Variants in ZKSCAN5 observed in about 807,000 individuals in gnomAD.
ZKSCAN5 encodes the protein zinc finger with KRAB and SCAN domains 5, also known as zinc finger protein with KRAB and SCAN domains 5.
In ZKSCAN5, 28 loss-of-function variants were observed where a neutral mutation model predicts 60.0. The observed-to-expected ratio is 0.47, with a 90% CI of 0.35 to 0.64. ZKSCAN5 has a LOEUF of 0.64. ZKSCAN5 is among the 30% of genes least tolerant of loss of function. The pLI, the probability that ZKSCAN5 is intolerant of heterozygous loss-of-function variation, is 0.01. For missense variants in ZKSCAN5, 881 were observed against 1,034.6 expected (o/e 0.85, Z 2.04); for synonymous variants, 361 against 371.2 (o/e 0.97, Z 0.31).
At chr7:99,528,126 T>C (rs565781332) in intron 6 of ZKSCAN5, among the ~76,000 whole-genome samples, 11 of 151,534 alleles carry the variant, frequency 7.3e-5, no homozygotes, top group East Asian at 3.9e-4. Flanking sequence ...TTTCTTTTTT[T>C]TTTTTTTTTT....
At chr7:99,521,501 A>G (rs1179486502) in intron 5 of ZKSCAN5, among the ~76,000 whole-genome samples, 1 of 152,126 alleles carries the variant, frequency 6.6e-6, no homozygotes, top group Non-Finnish European at 1.5e-5. Context: ...CCCGCCCACA[A>G]TGCAAAATTT....
intron 5 of ZKSCAN5, among the ~76,000 whole-genome samples, chr7:99,522,764 G>A (rs558397743): frequency 1.4e-3 from 211 of 151,996 alleles, no homozygotes; most frequent in African/African-American, 4.9e-3. Context: ...TGGGATTACA[G>A]GCGTGAGCCA....
At chr7:99,505,849 T>C in intron 1 of ZKSCAN5, 156 bp from the exon 2 acceptor site, 1 of 564,454 alleles carries the variant, frequency 1.8e-6, no homozygotes, top group South Asian at 2.3e-5. Flanking sequence ...AGTACCTATT[T>C]TTAAGTAAAT....
rs148263070 is a variant in ZKSCAN5 at position 99,532,331 on chromosome 7, T to C, written c.*82T>C. The C allele has an allele frequency of 1.3e-4, 176 of 1,360,084 alleles. 1 individual carries two copies. The East Asian group carries it at 3.7e-3, about 29-fold the overall frequency. 84.3% of individuals were successfully genotyped at this position (1,360,084 alleles called of 1,614,324 possible). ...GCAAAGTAACAACTTCAAGCATTTTTCCAGCGTTACCATCAAACTCACAAA... is the reference window on the plus strand; with the variant it reads ...GCAAAGTAACAACTTCAAGCATTTTCCCAGCGTTACCATCAAACTCACAAA... On this transcript the variant is annotated 3_prime_UTR_variant, in exon 7 of 7. Coordinates refer to ENST00000326775, the MANE Select transcript of ZKSCAN5 (RefSeq NM_145102.4).
Position 99,516,839 on chromosome 7 carries a change from C to T in ZKSCAN5, c.554-2988C>T, listed in dbSNP as rs76827745. Among the ~76,000 whole-genome samples, 49 of 152,260 alleles carry T rather than the reference C, an allele frequency of 3.2e-4. 1 individual carries two copies. The East Asian group carries it at 9.1e-3, about 28-fold the overall frequency. On this transcript the variant is annotated intron_variant, in intron 3 of 6. Coordinates refer to ENST00000326775, the MANE Select transcript of ZKSCAN5 (RefSeq NM_145102.4). The stretch of plus-strand genomic sequence containing the variant: ...TCTCCTGCTCCACTCTGTAAGTGCT[C>T]CTGCCTCTATGGTCCCACGGGAACT...
At chr7:99,527,478 T>A (rs1801842916) in intron 6 of ZKSCAN5, among the ~76,000 whole-genome samples, 1 of 152,336 alleles carries the variant, frequency 6.6e-6, no homozygotes, top group Non-Finnish European at 1.5e-5. Context: ...CCTTTTTTTT[T>A]TATAAGTCTG....
At chr7:99,506,479 A>G in intron 2 of ZKSCAN5, 21 bp downstream of exon 2, 2 of 1,589,516 alleles carry the variant, frequency 1.3e-6, no homozygotes, top group Non-Finnish European at 1.7e-6. Context: ...GAGAAGCTAT[A>G]TGAGCAATGA....
At chr7:99,519,059 T>C (rs544542113) in intron 3 of ZKSCAN5, among the ~76,000 whole-genome samples, 2 of 149,938 alleles carry the variant, frequency 1.3e-5, no homozygotes, top group East Asian at 3.9e-4. Context: ...CACTGTAACC[T>C]CCACCTCCCA....
intron 6 of ZKSCAN5, among the ~76,000 whole-genome samples, chr7:99,526,949 C>T (rs1487683500): frequency 1.3e-5 from 2 of 152,166 alleles, no homozygotes; most frequent in Non-Finnish European, 2.9e-5. Flanking sequence ...TATCTGTTGA[C>T]TTTCTATGGT....
chr7:99,521,532 A>C (rs1289377942), intron 5 of ZKSCAN5, among the ~76,000 whole-genome samples: 1 of 152,126 alleles, frequency 6.6e-6, no homozygotes, highest in Non-Finnish European at 1.5e-5. Context: ...ACATTATGTC[A>C]GTTTACATTG....
At chr7:99,527,762 G>C (rs549159724) in intron 6 of ZKSCAN5, among the ~76,000 whole-genome samples, 1 of 152,060 alleles carries the variant, frequency 6.6e-6, no homozygotes, top group African/African-American at 2.4e-5. Flanking sequence ...TCAGCTCACT[G>C]CAACCTCTGC....
chr7:99,513,622 G>C (rs1801139424), intron 3 of ZKSCAN5: 1 of 156,880 alleles, frequency 6.4e-6, no homozygotes, highest in Admixed American at 6.5e-5. Flanking sequence ...TTGAACTCCT[G>C]GCCTCAAGTG....
chr7:99,519,216 C>T (rs944262199), intron 3 of ZKSCAN5, among the ~76,000 whole-genome samples: 21 of 148,362 alleles, frequency 1.4e-4, no homozygotes, highest in Non-Finnish European at 3.0e-4. Flanking sequence ...CCTTGTGATC[C>T]TCCTGCCTCG....
rs114790757 is a variant in ZKSCAN5, at chr7:99,515,426, G to T, written c.553+2835G>T. On this transcript the variant is annotated intron_variant, in intron 3 of 6. Transcript: ENST00000326775. Reference sequence around the variant, plus strand: ...TGTCTCAAAAAAAAAAACAAAAACTGCTCAGAAAAGAAATGGAAACCACTA... The same window carrying T: ...TGTCTCAAAAAAAAAAACAAAAACTTCTCAGAAAAGAAATGGAAACCACTA... Among the ~76,000 whole-genome samples the T allele has an allele frequency of 2.4e-3, 362 of 151,512 alleles. 1 individual carries two copies. The highest frequency in any genetic ancestry group is 8.6e-3 in the African/African-American group (355 of 41,332).
At position 99,507,499 on chromosome 7, in the gene ZKSCAN5, G is replaced by GTGTATATATGTATATATA. The variant is rs1562901501; in HGVS notation, c.414+1050_414+1051insGTATATATATGTATATAT. ...TATATATGTGTATATATGTATATAT[G>GTGTATATATGTATATATA]TGTATATATATGTGTGTATATATGT... On this transcript the variant is annotated intron_variant, in intron 2 of 6. Transcript: ENST00000326775. Among the ~76,000 whole-genome samples, 24 of 130,892 alleles carry GTGTATATATGTATATATA rather than the reference G, an allele frequency of 1.8e-4. No homozygotes were observed. The East Asian group carries it at 5.3e-3, about 29-fold the overall frequency. The allele number at this position is 130,892 out of a possible 152,430, so 85.9% of individuals were successfully genotyped here.
Position 99,530,495 on chromosome 7 carries a change from T to G in ZKSCAN5, c.1379-613T>G, listed in dbSNP as rs189566583. Among the ~76,000 whole-genome samples the G allele has an allele frequency of 1.1e-4, 17 of 152,292 alleles. No homozygotes were observed. The East Asian group carries it at 3.3e-3, about 29-fold the overall frequency. ...GAGAACTGTCTCCATGTCATTTGCC[T>G]ACTTTTTGATGGGATTTTTTTTTTC... On this transcript the variant is annotated intron_variant, in intron 6 of 6. Transcript: ENST00000326775.
Position 99,505,643 on chromosome 7 carries a change from T to C in ZKSCAN5, c.-40-362T>C, listed in dbSNP as rs1485187233. 4 of 173,950 alleles carry C rather than the reference T, an allele frequency of 2.3e-5. No individual in the cohort carries two copies. In the East Asian group the frequency reaches 4.5e-4, roughly 19 times the overall value. The allele number at this position is 173,950 out of a possible 1,614,324, so 10.8% of individuals were successfully genotyped here. A position where few individuals can be genotyped will look rare whatever the true frequency, so the allele number is the denominator to read the frequency against. On this transcript the variant is annotated intron_variant, in intron 1 of 6. Transcript: ENST00000326775. ...CTTATTCCGACTTAAGTTCGTCTTATGGTAGAGAGAAAGAGCGGCTGCGTC... is the reference window on the plus strand; with the variant it reads ...CTTATTCCGACTTAAGTTCGTCTTACGGTAGAGAGAAAGAGCGGCTGCGTC...
intron 2 of ZKSCAN5, among the ~76,000 whole-genome samples, chr7:99,510,341 C>G (rs561502024): frequency 6.6e-6 from 1 of 152,110 alleles, no homozygotes; most frequent in South Asian, 2.1e-4. Flanking sequence ...CGGGTTGATT[C>G]TCCTGCGTCA....
In ZKSCAN5 at chr7:99,504,675, G is replaced by A. The variant is rs1177835881; in HGVS notation, c.-99G>A. The stretch of plus-strand genomic sequence containing the variant: ...AGTTCCGGGAACAGCTGGCCCCTGC[G>A]ACTCGCGGGTGTGACGTTGAAGATG... On this transcript the variant is annotated 5_prime_UTR_variant, in exon 1 of 7. Transcript: ENST00000326775. The A allele has an allele frequency of 1.3e-5, 2 of 152,294 alleles. No homozygotes were observed. Among genetic ancestry groups the A allele is most frequent in the African/African-American group, 2.4e-5 (1 of 41,464 alleles). 9.4% of individuals were successfully genotyped at this position (152,294 alleles called of 1,614,324 possible).
Sources: allele counts gnomAD v4.1 joint callset (sites outside exome capture counted in the v4.1 genomes callset), GRCh38; gene constraint gnomAD v4.1.1; transcripts MANE v1.5; gene names NCBI Gene and HGNC (gene_info 2026-07-23, HGNC 2026-07-21).